The following UNC5D variants were observed in gnomAD, a reference collection of about 807,000 sequenced individuals.
The protein encoded by UNC5D is netrin receptor UNC5D.
UNC5D carries 39 observed loss-of-function variants against 105.4 expected under a neutral mutation model. The observed-to-expected ratio is 0.37, with a 90% CI of 0.29 to 0.48. The LOEUF (loss-of-function observed/expected upper bound fraction) is 0.48. UNC5D is among the 20% of genes least tolerant of loss of function. The pLI, the probability that UNC5D is intolerant of heterozygous loss-of-function variation, is 0.98. For synonymous variants in UNC5D, 452 were observed against 450.4 expected (o/e 1.00, Z -0.04); for missense variants, 991 against 1,202.4 (o/e 0.82, Z 2.60).
chr8:35,577,615 CTCTT>C (rs1212591578), intron 3 of UNC5D, among the ~76,000 whole-genome samples: 1 of 152,196 alleles, frequency 6.6e-6, no homozygotes, highest in Non-Finnish European at 1.5e-5. Flanking sequence ...CAAGGAAGAG[CTCTT>C]TCTTATTGTA....
At chr8:35,486,528 G>A (rs1227691415) in intron 1 of UNC5D, among the ~76,000 whole-genome samples, 1 of 152,144 alleles carries the variant, frequency 6.6e-6, no homozygotes, top group Non-Finnish European at 1.5e-5. Context: ...TTAGAGTCAA[G>A]TCATAATTTT....
intron 1 of UNC5D, among the ~76,000 whole-genome samples, chr8:35,421,019 G>C (rs545857319): frequency 6.6e-6 from 1 of 152,084 alleles, no homozygotes; most frequent in African/African-American, 2.4e-5. Context: ...GGTAGAAAAT[G>C]TCCCTTTTTC....
At chr8:35,389,934 T>C (rs1005391049) in intron 1 of UNC5D, among the ~76,000 whole-genome samples, 67 of 152,188 alleles carry the variant, frequency 4.4e-4, no homozygotes, top group African/African-American at 1.6e-3. Context: ...ATTGTATTAG[T>C]CCATTCTTGC....
chr8:35,583,564 A>C (rs576520499), intron 3 of UNC5D, among the ~76,000 whole-genome samples: 1 of 152,294 alleles, frequency 6.6e-6, no homozygotes, highest in Admixed American at 6.5e-5. Flanking sequence ...TTTTCTCATT[A>C]GCACAGCAAG....
rs935354261 is a variant in UNC5D, at chr8:35,235,563, G to A, written c.-222G>A. 1 of 375,230 alleles carries A rather than the reference G, an allele frequency of 2.7e-6. No homozygotes were observed. Among genetic ancestry groups the A allele is most frequent in the Non-Finnish European group, 4.7e-6 (1 of 213,314 alleles). 23.2% of individuals were successfully genotyped at this position (375,230 alleles called of 1,614,324 possible). A position where few individuals can be genotyped will look rare whatever the true frequency, so the allele number is the denominator to read the frequency against. On this transcript the variant is annotated 5_prime_UTR_variant, in exon 1 of 17. Transcript: ENST00000404895. ...CTCCGGCATCCGCGCTGGCGGCAGCGGTCGCCGCGCCGTGGGAAGCTATGG... is the reference window on the plus strand; with the variant it reads ...CTCCGGCATCCGCGCTGGCGGCAGCAGTCGCCGCGCCGTGGGAAGCTATGG...
At chr8:35,541,790 T>G (rs1416209482) in intron 1 of UNC5D, among the ~76,000 whole-genome samples, 1 of 152,202 alleles carries the variant, frequency 6.6e-6, no homozygotes, top group East Asian at 1.9e-4. Context: ...CTTAGTCATC[T>G]TTGAATCCCT....
intron 1 of UNC5D, among the ~76,000 whole-genome samples, chr8:35,493,035 T>A (rs1008780435): frequency 1.3e-5 from 2 of 151,798 alleles, no homozygotes. Flanking sequence ...TTGGAGGAAG[T>A]TTTCCTCAGT....
At position 35,549,396 on chromosome 8, in the gene UNC5D, C is replaced by T. The variant is rs781696554; in HGVS notation, c.208C>T (p.Pro70Ser). 6.2e-7 allele frequency: 1 copy of T among 1,613,480 alleles called. No homozygotes were observed. The highest frequency in any genetic ancestry group is 8.5e-7 in the Non-Finnish European group (1 of 1,180,028). ...PDDAYIIKSN[P>S]IALRCKARPA... The stretch of plus-strand genomic sequence containing the variant: ...TGATGCTTATATTATCAAGAGCAAC[C>T]CTATTGCACTCAGGTGCAAAGCGAG... The change falls in exon 2 of 17, where the codon CCT (proline) becomes TCT (serine). Residue 70 changes from proline (P) to serine (S), a missense_variant. Coordinates refer to ENST00000404895, the MANE Select transcript of UNC5D (RefSeq NM_080872.4).
intron 15 of UNC5D, among the ~76,000 whole-genome samples, chr8:35,768,853 A>C (rs534457803): frequency 6.6e-6 from 1 of 152,310 alleles, no homozygotes; most frequent in Admixed American, 6.5e-5. Flanking sequence ...GTATGAGAAT[A>C]ATATTTCAAT....
rs1807012200 is a variant in UNC5D, at chr8:35,290,882, A to G, written c.103+54995A>G. 2.7e-5 allele frequency among the ~76,000 whole-genome samples: 4 copies of G among 148,704 alleles called. No homozygotes were observed. In the Admixed American group the frequency reaches 2.7e-4, roughly 10 times the overall value. ...AGAATCGCTTGAACCTGGGAGGTAGAGGTTGCAGTGAGCTGAGATCGTGTC... is the reference window on the plus strand; with the variant it reads ...AGAATCGCTTGAACCTGGGAGGTAGGGGTTGCAGTGAGCTGAGATCGTGTC... On this transcript the variant is annotated intron_variant, in intron 1 of 16. Coordinates refer to ENST00000404895, the MANE Select transcript of UNC5D (RefSeq NM_080872.4).
At chr8:35,759,000 C>G (rs61067704) in intron 13 of UNC5D, among the ~76,000 whole-genome samples, 4,727 of 152,196 alleles carry the variant, frequency 0.031, 264 homozygotes, top group African/African-American at 0.11. Context: ...GTTGTGGAAA[C>G]CCAGAAGTAT....
At chr8:35,336,279 T>A (rs2128897628) in intron 1 of UNC5D, among the ~76,000 whole-genome samples, 1 of 152,298 alleles carries the variant, frequency 6.6e-6, no homozygotes, top group African/African-American at 2.4e-5. Flanking sequence ...GCTGTGTTGC[T>A]TTGGGGACAT....
chr8:35,590,760 G>A (rs1429380028), intron 3 of UNC5D, among the ~76,000 whole-genome samples: 2 of 152,104 alleles, frequency 1.3e-5, no homozygotes, highest in African/African-American at 4.8e-5. Context: ...CAGAAACATT[G>A]AGGATACTTA....
chr8:35,552,819 T>TA (rs1226574028), intron 2 of UNC5D, among the ~76,000 whole-genome samples: 2 of 152,006 alleles, frequency 1.3e-5, no homozygotes, highest in Non-Finnish European at 2.9e-5. Context: ...CAGTCTCACT[T>TA]ACGTTGACAT....
rs10524805 is a variant in UNC5D at position 35,538,395 on chromosome 8, TTATATATATATATATATATATA to T, written c.104-10873_104-10852del. 7.1e-3 allele frequency among the ~76,000 whole-genome samples: 589 copies of T among 82,430 alleles called. 14 individuals are homozygous for T. Among genetic ancestry groups the T allele is most frequent in the African/African-American group, 0.018 (462 of 25,130 alleles). 54.1% of individuals were successfully genotyped at this position (82,430 alleles called of 152,430 possible). On this transcript the variant is annotated intron_variant, in intron 1 of 16. Transcript: ENST00000404895. Reference sequence around the variant, plus strand: ...TCAGTCGTGATTTAAAAAAAAATAATTATATATATATATATATATATATATATATATATATATATATATATGA... The same window carrying T: ...TCAGTCGTGATTTAAAAAAAAATAATTATATATATATATATATATATATGA...
chr8:35,307,020 G>A (rs117949558), intron 1 of UNC5D, among the ~76,000 whole-genome samples: 1 of 152,146 alleles, frequency 6.6e-6, no homozygotes, highest in Non-Finnish European at 1.5e-5. Flanking sequence ...CTATCCCACA[G>A]TATCCAATCT....
At chr8:35,631,536 C>T (rs984898410) in intron 4 of UNC5D, among the ~76,000 whole-genome samples, 1 of 152,118 alleles carries the variant, frequency 6.6e-6, no homozygotes, top group South Asian at 2.1e-4. Flanking sequence ...GGATGTCAAG[C>T]CTTATTTGTC....
intron 1 of UNC5D, among the ~76,000 whole-genome samples, chr8:35,528,942 A>G (rs1814108084): frequency 3.9e-5 from 4 of 103,494 alleles, no homozygotes; most frequent in African/African-American, 1.2e-4. Flanking sequence ...TAGATTCTGG[A>G]TATTAGCCCT....
intron 3 of UNC5D, among the ~76,000 whole-genome samples, chr8:35,578,139 C>T (rs1399320697): frequency 3.4e-5 from 5 of 148,982 alleles, no homozygotes; most frequent in African/African-American, 7.5e-5. Flanking sequence ...ATAGGAGAAT[C>T]GCTTGAACCC....
Sources: allele counts gnomAD v4.1 joint callset (sites outside exome capture counted in the v4.1 genomes callset), GRCh38; gene constraint gnomAD v4.1.1; transcripts MANE v1.5; gene names NCBI Gene and HGNC (gene_info 2026-07-23, HGNC 2026-07-21).